ZC3HAV1: variants seen among roughly 807,000 people sequenced by gnomAD.
ZC3HAV1 encodes the protein zinc finger CCCH-type antiviral protein 1.
A neutral mutation model predicts 86.6 loss-of-function variants in ZC3HAV1; 41 were observed. That is an observed-to-expected ratio of 0.47 (90% CI 0.37 to 0.61). The LOEUF (loss-of-function observed/expected upper bound fraction) is 0.61, where lower values mean the gene tolerates loss of function less well. ZC3HAV1 is among the 20% of genes least tolerant of loss of function. The pLI, the probability that ZC3HAV1 is intolerant of heterozygous loss-of-function variation, is 0.00. For missense variants in ZC3HAV1, 964 were observed against 1,141.1 expected (o/e 0.84, Z 2.24); for synonymous variants, 421 against 432.1 (o/e 0.97, Z 0.32).
chr7:139,049,765 C>T (rs1009212356), intron 12 of ZC3HAV1: 1 of 152,774 alleles, frequency 6.5e-6, no homozygotes, highest in African/African-American at 2.4e-5. Flanking sequence ...GGGTCACAAA[C>T]TGCGTGCCCA....
intron 1 of ZC3HAV1, among the ~76,000 whole-genome samples, chr7:139,100,565 C>A (rs1004500029): frequency 2.7e-5 from 4 of 150,526 alleles, no homozygotes; most frequent in Admixed American, 2.6e-4. Flanking sequence ...CAAAAACAAA[C>A]AAAAAAAACC....
intron 7 of ZC3HAV1, among the ~76,000 whole-genome samples, chr7:139,071,955 G>A (rs1367532449): frequency 2.6e-5 from 4 of 152,192 alleles, no homozygotes; most frequent in Non-Finnish European, 4.4e-5. Context: ...GCCCACTATA[G>A]GAGGTGTTTT....
chr7:139,109,384 A>T lies in ZC3HAV1; in HGVS notation c.-53T>A. ...CGGCGCGGGACTCGGTTCCGCGGAA[A>T]TCGGAAATCGAAACTTACAAGTGTC... On this transcript the variant is annotated 5_prime_UTR_variant, in exon 1 of 13. Transcript: ENST00000242351. 1 of 1,481,694 alleles carries T rather than the reference A, an allele frequency of 6.7e-7. No homozygotes were observed. The highest frequency in any genetic ancestry group is 8.9e-7 in the Non-Finnish European group (1 of 1,118,294). 91.8% of individuals were successfully genotyped at this position (1,481,694 alleles called of 1,614,324 possible).
rs1815877751 is a variant in ZC3HAV1 at position 139,043,554 on chromosome 7, A to T, written c.*4040T>A. The T allele has an allele frequency of 6.6e-6, 1 of 152,234 alleles. No homozygotes were observed. Among genetic ancestry groups the T allele is most frequent in the South Asian group, 2.1e-4 (1 of 4,828 alleles). 9.4% of individuals were successfully genotyped at this position (152,234 alleles called of 1,614,324 possible). A position where few individuals can be genotyped will look rare whatever the true frequency, so the allele number is the denominator to read the frequency against. On this transcript the variant is annotated 3_prime_UTR_variant, in exon 13 of 13. Coordinates refer to ENST00000242351, the MANE Select transcript of ZC3HAV1 (RefSeq NM_020119.4). The stretch of plus-strand genomic sequence containing the variant: ...TCTTTTTATTAGACAGTTCAAATTA[A>T]GCTTGAAGAACAGGAAGCAATACAA...
chr7:139,078,967 C>T (rs1017768323), intron 4 of ZC3HAV1: 2 of 1,264,066 alleles, frequency 1.6e-6, no homozygotes, highest in East Asian at 5.1e-5. Flanking sequence ...AATCTCCTCA[C>T]CAGACCACCC....
At chr7:139,081,376 C>T (rs769960075) in intron 3 of ZC3HAV1, among the ~76,000 whole-genome samples, 1 of 152,110 alleles carries the variant, frequency 6.6e-6, no homozygotes, top group Non-Finnish European at 1.5e-5. Context: ...AGCAAACACC[C>T]TCCTCCTGTC....
intron 7 of ZC3HAV1, among the ~76,000 whole-genome samples, chr7:139,067,541 C>G (rs1281677370): frequency 6.6e-6 from 1 of 152,066 alleles, no homozygotes; most frequent in Non-Finnish European, 1.5e-5. Flanking sequence ...GAATGACAGA[C>G]AATGGAGACT....
chr7:139,053,388 A>G, intron 12 of ZC3HAV1, 63 bp downstream of exon 12: 2 of 1,485,476 alleles, frequency 1.3e-6, no homozygotes, highest in Non-Finnish European at 1.8e-6. Flanking sequence ...ACCTCCTAAT[A>G]GAAGCACATA....
chr7:139,073,133 T>C (rs1388782548), intron 7 of ZC3HAV1, among the ~76,000 whole-genome samples: 1 of 151,946 alleles, frequency 6.6e-6, no homozygotes, highest in African/African-American at 2.4e-5. Flanking sequence ...CCATGTCTAC[T>C]AAAAATACAA....
chr7:139,073,951 A>G lies in ZC3HAV1; in HGVS notation c.1777T>C (p.Ser593Pro). 6.2e-7 allele frequency: 1 copy of G among 1,614,052 alleles called. No homozygotes were observed. The highest frequency in any genetic ancestry group is 8.5e-7 in the Non-Finnish European group (1 of 1,179,902). ...SFPIRRLSTPSSVTKPANSVF... is the reference protein window; with the variant it reads ...SFPIRRLSTPPSVTKPANSVF... The stretch of plus-strand genomic sequence containing the variant: ...GAATTGGCTGGCTTGGTGACAGAAG[A>G]AGGAGTGGAGAGGCGTCGGATGGGA... The change falls in exon 7 of 13, where the codon TCT becomes CCT. Residue 593 changes from serine (S) to proline (P), a missense_variant. Coordinates refer to ENST00000242351, the MANE Select transcript of ZC3HAV1 (RefSeq NM_020119.4).
intron 11 of ZC3HAV1, among the ~76,000 whole-genome samples, 174 bp from the exon 12 acceptor site, chr7:139,053,755 A>G (rs1003419353): frequency 5.9e-5 from 9 of 152,166 alleles, no homozygotes; most frequent in Non-Finnish European, 1.3e-4. Flanking sequence ...AAAACTTTTA[A>G]AAGATAGACA....
In ZC3HAV1 at chr7:139,044,362, G is replaced by A. The variant is rs1264788962; in HGVS notation, c.*3232C>T. ...ATCCAAACCTACTCATTACAAGGAA[G>A]AGTAAACATCTGTCTGTTTCAAACA... On this transcript the variant is annotated 3_prime_UTR_variant, in exon 13 of 13. Transcript: ENST00000242351. 6.6e-6 allele frequency: 1 copy of A among 152,128 alleles called. No individual in the cohort carries two copies. Among genetic ancestry groups the A allele is most frequent in the African/African-American group, 2.4e-5 (1 of 41,418 alleles). 9.4% of individuals were successfully genotyped at this position (152,128 alleles called of 1,614,324 possible).
At chr7:139,071,102 C>A (rs1302360203) in intron 7 of ZC3HAV1, among the ~76,000 whole-genome samples, 2 of 146,560 alleles carry the variant, frequency 1.4e-5, no homozygotes, top group Non-Finnish European at 3.0e-5. Context: ...GTTTCTGAAA[C>A]CTTTTTTTTT....
chr7:139,068,033 A>G (rs890388864), intron 7 of ZC3HAV1, among the ~76,000 whole-genome samples: 47 of 80,776 alleles, frequency 5.8e-4, no homozygotes, highest in East Asian at 1.8e-3. Context: ...CTTTATTATT[A>G]TTATTATTAT....
chr7:139,068,061 T>C (rs1479155892), intron 7 of ZC3HAV1, among the ~76,000 whole-genome samples: 1 of 147,954 alleles, frequency 6.8e-6, no homozygotes, highest in African/African-American at 2.5e-5. Context: ...ATTATTATTA[T>C]TATTATTATT....
intron 1 of ZC3HAV1, among the ~76,000 whole-genome samples, chr7:139,100,317 G>A (rs1328319713): frequency 1.3e-5 from 2 of 152,022 alleles, no homozygotes; most frequent in African/African-American, 4.8e-5. Flanking sequence ...AGATCACGAG[G>A]TCAGGAGATC....
At chr7:139,103,171 G>T (rs1222489634) in intron 1 of ZC3HAV1, among the ~76,000 whole-genome samples, 1 of 150,490 alleles carries the variant, frequency 6.6e-6, no homozygotes, top group Non-Finnish European at 1.5e-5. Flanking sequence ...CTCCAGCACT[G>T]CTAGGACTAT....
chr7:139,097,420 A>ATTTTTT (rs1563140627), intron 1 of ZC3HAV1, among the ~76,000 whole-genome samples: 21 of 79,104 alleles, frequency 2.7e-4, no homozygotes, highest in Middle Eastern at 5.3e-3. Flanking sequence ...ATATATATAT[A>ATTTTTT]TATATATATT....
intron 1 of ZC3HAV1, among the ~76,000 whole-genome samples, chr7:139,090,935 A>C (rs1013733980): frequency 6.6e-6 from 1 of 152,260 alleles, no homozygotes; most frequent in African/African-American, 2.4e-5. Context: ...TGCCTCCTGG[A>C]GAAGTCAAGG....
Sources: allele counts gnomAD v4.1 joint callset (sites outside exome capture counted in the v4.1 genomes callset), GRCh38; gene constraint gnomAD v4.1.1; transcripts MANE v1.5; gene names NCBI Gene and HGNC (gene_info 2026-07-23, HGNC 2026-07-21).